NELL1: variants seen among roughly 807,000 people sequenced by gnomAD.
The protein encoded by NELL1 is protein kinase C-binding protein NELL1.
In NELL1, 76 loss-of-function variants were observed where a neutral mutation model predicts 107.4. The observed-to-expected ratio is 0.71, with a 90% CI of 0.59 to 0.86. The LOEUF (loss-of-function observed/expected upper bound fraction) is 0.86. Ranked by LOEUF, NELL1 falls within the 40% of genes least tolerant of loss-of-function variation. The pLI, the probability that NELL1 is intolerant of heterozygous loss-of-function variation, is 0.00. For missense variants in NELL1, 1,024 were observed against 1,005.5 expected (o/e 1.02, Z -0.25); for synonymous variants, 353 against 341.2 (o/e 1.03, Z -0.38).
At chr11:21,069,807 G>A (rs1361301282) in intron 12 of NELL1, among the ~76,000 whole-genome samples, 1 of 152,098 alleles carries the variant, frequency 6.6e-6, no homozygotes, top group African/African-American at 2.4e-5. Context: ...CAGGCAGGAG[G>A]CCAGGCTCCC....
chr11:21,247,375 G>C (rs555585338), intron 14 of NELL1, among the ~76,000 whole-genome samples: 1 of 152,146 alleles, frequency 6.6e-6, no homozygotes, highest in East Asian at 1.9e-4. Context: ...GTACATCTCT[G>C]TAAACTAATT....
intron 2 of NELL1, among the ~76,000 whole-genome samples, chr11:20,729,630 C>T (rs537602279): frequency 2.5e-4 from 38 of 152,188 alleles, no homozygotes; most frequent in South Asian, 4.2e-4. Context: ...TGATAGATTG[C>T]TAGTTTAATT....
intron 14 of NELL1, among the ~76,000 whole-genome samples, chr11:21,287,828 C>G (rs1849158666): frequency 6.6e-6 from 1 of 151,908 alleles, no homozygotes; most frequent in African/African-American, 2.4e-5. Flanking sequence ...ATTTATTTCT[C>G]TGATTGTGAT....
intron 14 of NELL1, among the ~76,000 whole-genome samples, chr11:21,255,332 G>A (rs751075453): frequency 1.4e-4 from 22 of 152,020 alleles, no homozygotes; most frequent in Non-Finnish European, 2.9e-5. Context: ...TTTAGTGATG[G>A]AAAAGCAGAG....
intron 15 of NELL1, among the ~76,000 whole-genome samples, chr11:21,402,978 C>G (rs1852135203): frequency 6.6e-6 from 1 of 151,654 alleles, no homozygotes; most frequent in Non-Finnish European, 1.5e-5. Flanking sequence ...ACCTGAAGAA[C>G]TGGGCTGTGA....
chr11:21,190,902 G>A (rs2133835612), intron 13 of NELL1, among the ~76,000 whole-genome samples: 1 of 151,836 alleles, frequency 6.6e-6, no homozygotes, highest in Admixed American at 6.5e-5. Flanking sequence ...CAATGAGAGA[G>A]GTCATAGAGT....
intron 15 of NELL1, among the ~76,000 whole-genome samples, chr11:21,478,099 A>G (rs1369688909): frequency 6.6e-6 from 1 of 152,118 alleles, no homozygotes; most frequent in East Asian, 1.9e-4. Context: ...AATTCTAAGC[A>G]TGGTGGAAGG....
chr11:21,067,401 A>C lies in NELL1; in HGVS notation c.1301-46188A>C, dbSNP rs79489614. 1.1e-3 allele frequency among the ~76,000 whole-genome samples: 171 copies of C among 152,286 alleles called. 3 individuals carry two copies. In the East Asian group the frequency reaches 0.024, roughly 22 times the overall value. ...TTGCATTTTAAAGTAGTGTTCAAAA[A>C]TCTCACTGGCCCAGTCTGGGATGTA... is the stretch of plus-strand genomic sequence containing the variant. On this transcript the variant is annotated intron_variant, in intron 12 of 19. Coordinates refer to ENST00000357134, the MANE Select transcript of NELL1 (RefSeq NM_006157.5).
At chr11:21,358,780 G>C (rs1399264647) in intron 14 of NELL1, among the ~76,000 whole-genome samples, 1 of 151,608 alleles carries the variant, frequency 6.6e-6, no homozygotes, top group African/African-American at 2.4e-5. Context: ...TTCTTGATTT[G>C]TTTCTCAGCT....
At chr11:21,032,325 C>T (rs1038208492) in intron 12 of NELL1, among the ~76,000 whole-genome samples, 1 of 151,954 alleles carries the variant, frequency 6.6e-6, no homozygotes, top group African/African-American at 2.4e-5. Flanking sequence ...TTCAGACTTA[C>T]CTTAACAAAA....
intron 15 of NELL1, among the ~76,000 whole-genome samples, chr11:21,393,986 G>A (rs1851931935): frequency 6.6e-6 from 1 of 151,546 alleles, no homozygotes; most frequent in African/African-American, 2.4e-5. Flanking sequence ...AAGGCCTGGG[G>A]GCAGTAGAGC....
At chr11:20,748,021 G>A (rs899699971) in intron 2 of NELL1, among the ~76,000 whole-genome samples, 1 of 152,122 alleles carries the variant, frequency 6.6e-6, no homozygotes, top group East Asian at 1.9e-4. Context: ...CTTTACCCTT[G>A]CCATAGCTAA....
At chr11:21,006,194 G>C (rs1036384219) in intron 12 of NELL1, among the ~76,000 whole-genome samples, 3 of 152,072 alleles carry the variant, frequency 2.0e-5, no homozygotes, top group African/African-American at 7.2e-5. Context: ...CCCAAATTTA[G>C]ATGTTGATGA....
intron 14 of NELL1, among the ~76,000 whole-genome samples, chr11:21,369,716 A>G (rs1328265256): frequency 2.0e-5 from 3 of 152,058 alleles, no homozygotes; most frequent in Non-Finnish European, 2.9e-5. Context: ...TTGCTCACCT[A>G]TCTTTCTTGT....
chr11:21,531,737 T>C, intron 15 of NELL1, among the ~76,000 whole-genome samples: 1 of 152,210 alleles, frequency 6.6e-6, no homozygotes, highest in East Asian at 1.9e-4. Flanking sequence ...TGTAGTGAAC[T>C]TAGAGCTTCT....
At chr11:21,486,430 G>A (rs111511283) in intron 15 of NELL1, among the ~76,000 whole-genome samples, 1 of 151,974 alleles carries the variant, frequency 6.6e-6, no homozygotes, top group South Asian at 2.1e-4. Context: ...CAGAATCAAA[G>A]CTGAAGGCCC....
intron 15 of NELL1, among the ~76,000 whole-genome samples, chr11:21,492,337 T>C (rs370763249): frequency 5.8e-4 from 88 of 151,708 alleles, no homozygotes; most frequent in Non-Finnish European, 9.7e-4. Flanking sequence ...GTCAGTGTGG[T>C]GATTCCTCAG....
chr11:21,086,215 A>T (rs1343968133), intron 12 of NELL1, among the ~76,000 whole-genome samples: 1 of 152,204 alleles, frequency 6.6e-6, no homozygotes, highest in Admixed American at 6.5e-5. Context: ...GAATATTCCT[A>T]AGGAAAGGAA....
intron 13 of NELL1, among the ~76,000 whole-genome samples, chr11:21,164,180 T>C (rs972696172): frequency 6.6e-6 from 1 of 152,240 alleles, no homozygotes; most frequent in African/African-American, 2.4e-5. Context: ...TTGGCAGCTC[T>C]GGCAGACTAT....
Sources: gnomAD v4.1 joint callset for allele counts (sites outside exome capture counted in the v4.1 genomes callset) on GRCh38, gnomAD v4.1.1 for gene constraint, MANE v1.5 for transcripts, NCBI Gene and HGNC (gene_info 2026-07-23, HGNC 2026-07-21) for gene names.